The following YWHAB variants were observed in gnomAD, a reference collection of about 807,000 sequenced individuals.
YWHAB encodes 14-3-3 protein beta/alpha.
A neutral mutation model predicts 28.5 loss-of-function variants in YWHAB; 2 were observed. The observed-to-expected ratio is 0.07, with a 90% confidence interval of 0.03 to 0.22. The LOEUF (loss-of-function observed/expected upper bound fraction) is 0.22, where lower values mean the gene tolerates loss of function less well. Ranked by LOEUF, YWHAB falls within the 10% of genes least tolerant of loss-of-function variation. The pLI, the probability that YWHAB is intolerant of heterozygous loss-of-function variation, is 1.00. For synonymous variants in YWHAB, 103 were observed against 104.7 expected (o/e 0.98, Z 0.10); for missense variants, 148 against 297.1 (o/e 0.50, Z 3.69).
chr20:44,888,178 A>G (rs1350946299), intron 1 of YWHAB, among the ~76,000 whole-genome samples: 1 of 152,218 alleles, frequency 6.6e-6, no homozygotes, highest in African/African-American at 2.4e-5. Context: ...GCATGAATAT[A>G]CACGTGTATA....
intron 1 of YWHAB, among the ~76,000 whole-genome samples, chr20:44,897,788 A>G (rs1456463859): frequency 1.3e-5 from 2 of 152,214 alleles, no homozygotes; most frequent in South Asian, 2.1e-4. Flanking sequence ...ATGTACTTGT[A>G]TTAGAGTAGA....
intron 1 of YWHAB, among the ~76,000 whole-genome samples, chr20:44,900,565 A>C (rs531702199): frequency 9.2e-5 from 14 of 152,326 alleles, no homozygotes; most frequent in African/African-American, 3.4e-4. Flanking sequence ...CAAATAGATC[A>C]TTTAAAATCA....
chr20:44,900,960 G>C (rs2066622835), intron 1 of YWHAB, among the ~76,000 whole-genome samples: 1 of 152,150 alleles, frequency 6.6e-6, no homozygotes, highest in South Asian at 2.1e-4. Context: ...ATTTTTAGTA[G>C]AGATGGGGTT....
In YWHAB at chr20:44,907,816, G is replaced by C. The variant is rs1447226931; in HGVS notation, c.*1378G>C. On this transcript the variant is annotated 3_prime_UTR_variant, in exon 6 of 6. Transcript: ENST00000353703. The stretch of plus-strand genomic sequence containing the variant: ...CTGTCTTCCTCCAGTTCTCAACACG[G>C]TGTTGCTCTTCAGTCATACCGGAAT... 1.3e-5 allele frequency: 2 copies of C among 152,150 alleles called. No homozygotes were observed. The highest frequency in any genetic ancestry group is 4.8e-5 in the African/African-American group (2 of 41,426). 9.4% of individuals were successfully genotyped at this position (152,150 alleles called of 1,614,324 possible).
rs2066521855 is a variant in YWHAB, at chr20:44,885,763, C to T, written c.-127C>T. On this transcript the variant is annotated 5_prime_UTR_variant, in exon 1 of 6. Coordinates refer to ENST00000353703, the MANE Select transcript of YWHAB (RefSeq NM_139323.4). ...TCCGGAGCCGGGGTAGTCGCCGCCG[C>T]CGCCGCCGCTGCAGCCACTGCAGGC... The T allele has an allele frequency of 5.5e-6, 1 of 182,826 alleles. No homozygotes were observed. Among genetic ancestry groups the T allele is most frequent in the Non-Finnish European group, 1.1e-5 (1 of 88,982 alleles). 11.3% of individuals were successfully genotyped at this position (182,826 alleles called of 1,614,324 possible).
At chr20:44,890,500 C>CTTTTTTTTT (rs35619333) in intron 1 of YWHAB, among the ~76,000 whole-genome samples, 2 of 86,392 alleles carry the variant, frequency 2.3e-5, no homozygotes, top group African/African-American at 8.9e-5. Flanking sequence ...TGGATTCCTA[C>CTTTTTTTTT]TTTTTTTTTT....
At chr20:44,900,516 T>C (rs1434596970) in intron 1 of YWHAB, among the ~76,000 whole-genome samples, 1 of 152,224 alleles carries the variant, frequency 6.6e-6, no homozygotes, top group Non-Finnish European at 1.5e-5. Flanking sequence ...GATATAATCT[T>C]TCCCATCCTT....
In YWHAB at chr20:44,905,102, C is replaced by T. The variant is rs1386279474; in HGVS notation, c.559C>T (p.Pro187Ser). ...CTTTTACTATGAGATTCTAAACTCT[C>T]CTGAAAAGGCCTGTAGCCTGGCAAA... ...SVFYYEILNS[P>S]EKACSLAKTA... Residue 187 changes from proline (P) to serine (S), a missense_variant, in exon 4 of 6, where the codon CCT becomes TCT. Pro to Ser is a moderately conservative substitution (Grantham distance 74). Transcript: ENST00000353703. The T allele has an allele frequency of 1.2e-6, 2 of 1,611,810 alleles. No individual in the cohort carries two copies. The highest frequency in any genetic ancestry group is 3.4e-5 in the Admixed American group (2 of 59,664).
intron 1 of YWHAB, among the ~76,000 whole-genome samples, chr20:44,900,993 C>T (rs2066623011): frequency 2.0e-5 from 3 of 152,282 alleles, no homozygotes; most frequent in Admixed American, 2.0e-4. Flanking sequence ...TCAGGCTGGT[C>T]TCGAACTCCT....
At chr20:44,887,833 G>A (rs574201099) in intron 1 of YWHAB, 8 of 152,288 alleles carry the variant, frequency 5.3e-5, no homozygotes, top group Admixed American at 2.0e-4. Context: ...CTTATTTCCA[G>A]GGTTATCATT....
intron 2 of YWHAB, chr20:44,903,228 T>C (rs2066637464): frequency 6.1e-6 from 2 of 327,110 alleles, no homozygotes; most frequent in South Asian, 1.2e-4. Context: ...TGTCAACTTA[T>C]TTATCATTAT....
rs2066648429 is a variant in YWHAB at position 44,905,057 on chromosome 20, C to T, written c.514C>T (p.Leu172=). Residue 172 remains leucine (L), a synonymous_variant, in exon 4 of 6, where the codon CTG becomes TTG. Coordinates refer to ENST00000353703, the MANE Select transcript of YWHAB (RefSeq NM_139323.4). The part of the protein sequence containing the change: ...MQPTHPIRLG[L]ALNFSVFYYE... ...GCCTACACACCCAATTCGTCTTGGT[C>T]TGGCACTAAATTTCTCAGTCTTTTA... 6.2e-7 allele frequency: 1 copy of T among 1,613,492 alleles called. No homozygotes were observed. Among genetic ancestry groups the T allele is most frequent in the Admixed American group, 1.7e-5 (1 of 59,950 alleles).
At chr20:44,904,601 G>T (rs2066646055) in intron 3 of YWHAB, among the ~76,000 whole-genome samples, 1 of 152,108 alleles carries the variant, frequency 6.6e-6, no homozygotes, top group Non-Finnish European at 1.5e-5. Flanking sequence ...GTTTCTACTT[G>T]CCCCAAGCCA....
chr20:44,903,805 A>G lies in YWHAB; in HGVS notation c.301-188A>G, dbSNP rs2066640712. The G allele has an allele frequency of 7.1e-6, 4 of 564,082 alleles. No individual in the cohort carries two copies. The South Asian group carries it at 9.3e-5, about 13-fold the overall frequency. 34.9% of individuals were successfully genotyped at this position (564,082 alleles called of 1,614,324 possible). A position where few individuals can be genotyped will look rare whatever the true frequency, so the allele number is the denominator to read the frequency against. ...CCTATGGATGGTCAAAGTGATTTTTAACAGAAGAATACAGGCATCTGCTGT... is the reference window on the plus strand; with the variant it reads ...CCTATGGATGGTCAAAGTGATTTTTGACAGAAGAATACAGGCATCTGCTGT... On this transcript the variant is annotated intron_variant, in intron 2 of 5. Coordinates refer to ENST00000353703, the MANE Select transcript of YWHAB (RefSeq NM_139323.4).
intron 1 of YWHAB, among the ~76,000 whole-genome samples, chr20:44,900,167 C>T (rs2066618447): frequency 6.6e-6 from 1 of 152,068 alleles, no homozygotes; most frequent in East Asian, 1.9e-4. Flanking sequence ...CCCACCTCAG[C>T]CTCCTGAGTA....
rs1183036872 is a variant in YWHAB, at chr20:44,907,402, C to T, written c.*964C>T. 2.6e-5 allele frequency: 4 copies of T among 152,094 alleles called. No homozygotes were observed. Among genetic ancestry groups the T allele is most frequent in the Admixed American group, 2.6e-4 (4 of 15,250 alleles). The allele number at this position is 152,094 out of a possible 1,614,324, so 9.4% of individuals were successfully genotyped here. ...AAGCTGCAGTGCCCTGTGGTTGCAC[C>T]TGTGAATAACTGCACTCCAGCCTGG... On this transcript the variant is annotated 3_prime_UTR_variant, in exon 6 of 6. Coordinates refer to ENST00000353703, the MANE Select transcript of YWHAB (RefSeq NM_139323.4).
intron 1 of YWHAB, among the ~76,000 whole-genome samples, chr20:44,896,202 A>G (rs1432260261): frequency 1.3e-5 from 2 of 151,792 alleles, no homozygotes; most frequent in Non-Finnish European, 2.9e-5. Flanking sequence ...AAATTTTTTT[A>G]AAGTGAAATT....
rs1042652767 is a variant in YWHAB, at chr20:44,906,644, A to T, written c.*206A>T. 7.8e-6 allele frequency: 3 copies of T among 385,726 alleles called. No individual in the cohort carries two copies. Among genetic ancestry groups the T allele is most frequent in the Non-Finnish European group, 1.4e-5 (3 of 210,386 alleles). 23.9% of individuals were successfully genotyped at this position (385,726 alleles called of 1,614,324 possible). A position where few individuals can be genotyped will look rare whatever the true frequency, so the allele number is the denominator to read the frequency against. On this transcript the variant is annotated 3_prime_UTR_variant, in exon 6 of 6. Coordinates refer to ENST00000353703, the MANE Select transcript of YWHAB (RefSeq NM_139323.4). ...AGATTGGTCACATAAATGCCACGGCATTCCGAAGTTTTGATTTTGATTAAC... is the reference window on the plus strand; with the variant it reads ...AGATTGGTCACATAAATGCCACGGCTTTCCGAAGTTTTGATTTTGATTAAC...
chr20:44,893,243 C>A (rs1235444291), intron 1 of YWHAB, among the ~76,000 whole-genome samples: 1 of 152,100 alleles, frequency 6.6e-6, no homozygotes. Context: ...AGGCTGTTTC[C>A]TAGATCCTCT....
Sources: allele counts gnomAD v4.1 joint callset (sites outside exome capture counted in the v4.1 genomes callset), GRCh38; gene constraint gnomAD v4.1.1; transcripts MANE v1.5; gene names NCBI Gene and HGNC (gene_info 2026-07-23, HGNC 2026-07-21).